The following DNAAF1 variants were observed in gnomAD, a reference collection of about 807,000 sequenced individuals.
DNAAF1 encodes the protein dynein axonemal assembly factor 1.
In DNAAF1, 65 loss-of-function variants were observed where a neutral mutation model predicts 71.1. That is an observed-to-expected ratio of 0.91 (90% CI 0.75 to 1.12). The LOEUF (loss-of-function observed/expected upper bound fraction) is 1.12. Ranked by LOEUF, DNAAF1 falls within the 50% of genes most tolerant of loss-of-function variation. The pLI, the probability that DNAAF1 is intolerant of heterozygous loss-of-function variation, is 0.00. For synonymous variants in DNAAF1, 414 were observed against 354.6 expected (o/e 1.17, Z -1.88); for missense variants, 1,178 against 899.8 (o/e 1.31, Z -3.96).
At position 84,145,539 on chromosome 16, in the gene DNAAF1, C is replaced by T. The variant is rs1340463544; in HGVS notation, c.99C>T (p.Ser33=). 2.6e-6 allele frequency: 4 copies of T among 1,551,166 alleles called. No individual in the cohort carries two copies. The East Asian group carries it at 7.2e-5, about 28-fold the overall frequency. ...AGGAGTCTGCGGGTGACCACGGGAG[C>T]GCAGGCCGAGGGGGCTGCAAGGAAG... ...GVEESAGDHG[S]AGRGGCKEEI... Residue 33 remains serine (S), a synonymous_variant, in exon 1 of 12, where the codon AGC becomes AGT. Transcript: ENST00000378553.
At chr16:84,150,615 TC>T (rs1247667655) in intron 3 of DNAAF1, among the ~76,000 whole-genome samples, 1 of 144,738 alleles carries the variant, frequency 6.9e-6, no homozygotes, top group Non-Finnish European at 1.5e-5. Flanking sequence ...TTCTTTTCTT[TC>T]TTTTTTTTTT....
chr16:84,173,390 G>T (rs2088474984), intron 9 of DNAAF1: 1 of 736,548 alleles, frequency 1.4e-6, no homozygotes, highest in Non-Finnish European at 1.7e-6. Flanking sequence ...CAGGAACCTG[G>T]GAGGTGGAGC....
rs764010439 is a variant in DNAAF1 at position 84,176,190 on chromosome 16, C to T, written c.1956C>T (p.Asp652=). The T allele has an allele frequency of 1.5e-5, 24 of 1,613,882 alleles. No individual in the cohort carries two copies. Among genetic ancestry groups the T allele is most frequent in the African/African-American group, 6.7e-5 (5 of 74,946 alleles). ...GACCCCTGATCCAGGAGCTCAGCGA[C>T]GAGGACCCCTCTGGCCAGCTACTGA... ...SPRPLIQELS[D]EDPSGQLLMP... is the part of the protein sequence containing the mutation. Residue 652 remains aspartate (D), a synonymous_variant, in exon 11 of 12, where the codon GAC becomes GAT. Transcript: ENST00000378553.
chr16:84,149,701 A>C lies in DNAAF1; in HGVS notation c.261-550A>C, dbSNP rs190355055. On this transcript the variant is annotated intron_variant, in intron 2 of 11. Transcript: ENST00000378553. ...GTGAGACTCCATCTCAAAAAAAAAA[A>C]AAAAAAAACATACATTGCAATTTTT... Among the ~76,000 whole-genome samples the C allele has an allele frequency of 5.9e-3, 886 of 151,138 alleles. 3 individuals carry two copies. Among genetic ancestry groups the C allele is most frequent in the Middle Eastern group, 0.01 (3 of 290 alleles).
chr16:84,153,638 T>C (rs1172823280), intron 3 of DNAAF1, among the ~76,000 whole-genome samples: 1 of 152,170 alleles, frequency 6.6e-6, no homozygotes, highest in African/African-American at 2.4e-5. Context: ...ATAAAAACTT[T>C]TTCAGGCAAC....
intron 2 of DNAAF1, 131 bp from the exon 3 acceptor site, chr16:84,150,120 T>C (rs2087115742): frequency 1.5e-6 from 1 of 683,686 alleles, no homozygotes; most frequent in Admixed American, 2.3e-5. Context: ...AAAGACGAAC[T>C]TAAAATAGGT....
chr16:84,162,549 G>A (rs2087763649), intron 6 of DNAAF1, among the ~76,000 whole-genome samples: 1 of 152,168 alleles, frequency 6.6e-6, no homozygotes, highest in Admixed American at 6.5e-5. Context: ...GGATGGGCAT[G>A]GTGGCTCACA....
intron 4 of DNAAF1, among the ~76,000 whole-genome samples, chr16:84,155,143 C>A (rs530440123): frequency 6.6e-6 from 1 of 152,150 alleles, no homozygotes. Flanking sequence ...CTCCTGACCT[C>A]GTGATCCGCC....
At chr16:84,170,381 C>G (rs1264232765) in intron 8 of DNAAF1, 25 bp downstream of exon 8, 9 of 1,613,194 alleles carry the variant, frequency 5.6e-6, no homozygotes, top group Non-Finnish European at 7.6e-6. Flanking sequence ...GAAACACACA[C>G]AGACACACAC....
At chr16:84,157,961 G>C (rs542323560) in intron 5 of DNAAF1, among the ~76,000 whole-genome samples, 1 of 152,024 alleles carries the variant, frequency 6.6e-6, no homozygotes, top group Non-Finnish European at 1.5e-5. Context: ...TAATCCCAGC[G>C]CTCTGGGAGG....
intron 7 of DNAAF1, 182 bp downstream of exon 7, chr16:84,166,131 G>T: frequency 1.3e-6 from 1 of 782,308 alleles, no homozygotes; most frequent in South Asian, 1.7e-5. Flanking sequence ...TTGGCTCACT[G>T]CAACTTCTGT....
intron 9 of DNAAF1, chr16:84,174,197 C>A: frequency 9.9e-7 from 1 of 1,009,564 alleles, no homozygotes; most frequent in Non-Finnish European, 1.2e-6. Context: ...TGCTGCCTCC[C>A]CAACCACGCA....
intron 5 of DNAAF1, among the ~76,000 whole-genome samples, chr16:84,156,682 T>C (rs547665317): frequency 6.6e-6 from 1 of 152,336 alleles, no homozygotes; most frequent in Non-Finnish European, 1.5e-5. Flanking sequence ...TTTCTCACTC[T>C]CTCAGCATCT....
chr16:84,155,876 C>A, intron 5 of DNAAF1, 127 bp downstream of exon 5: 2 of 1,278,022 alleles, frequency 1.6e-6, no homozygotes, highest in Non-Finnish European at 2.2e-6. Flanking sequence ...ACACTTTTTT[C>A]CTCTTTGTGT....
At chr16:84,149,819 G>A (rs764856659) in intron 2 of DNAAF1, among the ~76,000 whole-genome samples, 1 of 151,948 alleles carries the variant, frequency 6.6e-6, no homozygotes, top group African/African-American at 2.4e-5. Flanking sequence ...GACGTCAGGA[G>A]TTCAAGACCA....
In DNAAF1 at chr16:84,155,579, C is replaced by G. The variant is rs1332505596; in HGVS notation, c.575-4C>G. ...TTTTGACTTCTGCTGACCTTACCTT[C>G]CAGCCTGCCTCCCAGTCCTGAACAC... On this transcript the variant is annotated splice_region_variant and splice_polypyrimidine_tract_variant and intron_variant, in intron 4 of 11. Coordinates refer to ENST00000378553, the MANE Select transcript of DNAAF1 (RefSeq NM_178452.6). The G allele has an allele frequency of 6.2e-7, 1 of 1,614,084 alleles. No homozygotes were observed. Among genetic ancestry groups the G allele is most frequent in the Admixed American group, 1.7e-5 (1 of 59,996 alleles).
intron 1 of DNAAF1, among the ~76,000 whole-genome samples, chr16:84,147,224 C>T (rs1041055355): frequency 2.0e-5 from 3 of 152,194 alleles, no homozygotes; most frequent in East Asian, 1.9e-4. Flanking sequence ...ATATATTGAG[C>T]GCTTATTCTT....
At chr16:84,159,086 T>C (rs888316618) in intron 5 of DNAAF1, 1 of 992,428 alleles carries the variant, frequency 1.0e-6, no homozygotes, top group Non-Finnish European at 1.2e-6. Flanking sequence ...AGAGACAGTA[T>C]TTAAAGATGG....
rs1159256636 is a variant in DNAAF1 at position 84,159,666 on chromosome 16, T to G, written c.742-9T>G. On this transcript the variant is annotated splice_polypyrimidine_tract_variant and intron_variant, in intron 5 of 11. Coordinates refer to ENST00000378553, the MANE Select transcript of DNAAF1 (RefSeq NM_178452.6). ...AGTAATCATTTTGGTTCTGCTTGTC[T>G]TCTTGCAGCGTGTACTGAATTTGAT... 1.2e-6 allele frequency: 2 copies of G among 1,608,410 alleles called. No individual in the cohort carries two copies. Among genetic ancestry groups the G allele is most frequent in the Non-Finnish European group, 1.7e-6 (2 of 1,176,724 alleles).
Sources: allele counts gnomAD v4.1 joint callset (sites outside exome capture counted in the v4.1 genomes callset), GRCh38; gene constraint gnomAD v4.1.1; transcripts MANE v1.5; gene names NCBI Gene and HGNC (gene_info 2026-07-23, HGNC 2026-07-21).